MLLT6: variants seen among roughly 807,000 people sequenced by gnomAD.
MLLT6 encodes the protein protein AF-17.
Under a neutral mutation model 103.0 loss-of-function variants are expected in MLLT6, and 22 were observed. The observed-to-expected ratio is 0.21, with a 90% CI of 0.15 to 0.31. The LOEUF is 0.31. MLLT6 is among the 10% of genes least tolerant of loss of function. MLLT6 has a pLI of 1.00. For synonymous variants in MLLT6, 606 were observed against 623.5 expected (o/e 0.97, Z 0.42); for missense variants, 1,199 against 1,441.7 (o/e 0.83, Z 2.73).
At chr17:38,713,966 T>C (rs1905230743) in intron 8 of MLLT6, 6 of 152,248 alleles carry the variant, frequency 3.9e-5, no homozygotes, top group Admixed American at 2.6e-4. Flanking sequence ...TCAGCATTTA[T>C]CTGTTCAGCA....
In MLLT6 at chr17:38,727,678, C is replaced by G. The variant is rs914172280; in HGVS notation, c.*2080C>G. On this transcript the variant is annotated 3_prime_UTR_variant, in exon 20 of 20. Transcript: ENST00000621332. ...GGCATGGTGGCACGTGCCTGTAATC[C>G]CAGCTACTTGGGAGGCTGAGGCACG... The G allele has an allele frequency of 5.1e-6, 1 of 195,720 alleles. No homozygotes were observed. The highest frequency in any genetic ancestry group is 1.1e-5 in the Non-Finnish European group (1 of 94,412). The allele number at this position is 195,720 out of a possible 1,614,324, so 12.1% of individuals were successfully genotyped here. A position where few individuals can be genotyped will look rare whatever the true frequency, so the allele number is the denominator to read the frequency against.
intron 10 of MLLT6, 40 bp downstream of exon 10, chr17:38,717,021 G>A (rs1160107519): frequency 2.5e-6 from 4 of 1,608,550 alleles, no homozygotes; most frequent in Non-Finnish European, 3.4e-6. Context: ...TCAGGGCCCA[G>A]CCAGTCTAGT....
At position 38,722,232 on chromosome 17, in the gene MLLT6, G is replaced by C; in HGVS notation, c.2792+5G>C. 7.3e-7 allele frequency: 1 copy of C among 1,372,638 alleles called. No individual in the cohort carries two copies. The highest frequency in any genetic ancestry group is 9.4e-7 in the Non-Finnish European group (1 of 1,068,888). The allele number at this position is 1,372,638 out of a possible 1,614,324, so 85.0% of individuals were successfully genotyped here. A position where few individuals can be genotyped will look rare whatever the true frequency, so the allele number is the denominator to read the frequency against. On this transcript the variant is annotated splice_donor_5th_base_variant and intron_variant, in intron 17 of 19. Coordinates refer to ENST00000621332, the MANE Select transcript of MLLT6 (RefSeq NM_005937.4). ...GCTGCCAGGCTGTCTCAACAGGTGA[G>C]GGAGAGCTCAGCCCTGGGAAGGGGA...
chr17:38,714,181 G>A (rs977594465), intron 8 of MLLT6: 1 of 152,166 alleles, frequency 6.6e-6, no homozygotes, highest in Admixed American at 6.5e-5. Flanking sequence ...AAGATGATGG[G>A]GCACAGGGAG....
chr17:38,720,218 C>T (rs1274840223), intron 14 of MLLT6, 154 bp from the exon 15 acceptor site: 12 of 791,582 alleles, frequency 1.5e-5, no homozygotes, highest in Non-Finnish European at 2.2e-5. Context: ...CCCCAAGTCC[C>T]GCCTCTCTTC....
At chr17:38,722,535 G>A in intron 17 of MLLT6, 143 bp from the exon 18 acceptor site, 1 of 645,498 alleles carries the variant, frequency 1.5e-6, no homozygotes, top group Non-Finnish European at 2.8e-6. Context: ...TATGAGCACG[G>A]TGCTCTAAGA....
At position 38,726,001 on chromosome 17, in the gene MLLT6, T is replaced by G; in HGVS notation, c.*403T>G. The G allele has an allele frequency of 3.8e-6, 1 of 264,878 alleles. No homozygotes were observed. The highest frequency in any genetic ancestry group is 7.2e-6 in the Non-Finnish European group (1 of 139,818). 16.4% of individuals were successfully genotyped at this position (264,878 alleles called of 1,614,324 possible). ...AGTGGAGGGAGAGGCCCTGGGCCTG[T>G]CCCTGCGGGGAAATCTTTTATGGAA... On this transcript the variant is annotated 3_prime_UTR_variant, in exon 20 of 20. Coordinates refer to ENST00000621332, the MANE Select transcript of MLLT6 (RefSeq NM_005937.4).
rs772857764 is a variant in MLLT6 at position 38,719,680 on chromosome 17, G to C, written c.2010-70G>C. 12 of 1,575,350 alleles carry C rather than the reference G, an allele frequency of 7.6e-6. No individual in the cohort carries two copies. In the East Asian group the frequency reaches 2.7e-4, roughly 36 times the overall value. On this transcript the variant is annotated intron_variant, in intron 13 of 19. Transcript: ENST00000621332. ...CCGGCGTGGGCTGGAACCCCTGGGG[G>C]ATACGGGAGAAGGGCCAGAGGAGCC...
intron 18 of MLLT6, among the ~76,000 whole-genome samples, chr17:38,723,152 G>C (rs1303016775): frequency 6.6e-6 from 1 of 152,226 alleles, no homozygotes; most frequent in South Asian, 2.1e-4. Flanking sequence ...CTTTGGGTCT[G>C]TCTCCTGTTG....
In MLLT6 at chr17:38,719,922, C is replaced by T. The variant is rs371341094; in HGVS notation, c.2155+27C>T. 2.6e-6 allele frequency: 4 copies of T among 1,547,942 alleles called. No homozygotes were observed. In the East Asian group the frequency reaches 7.2e-5, roughly 28 times the overall value. On this transcript the variant is annotated intron_variant, in intron 14 of 19. Coordinates refer to ENST00000621332, the MANE Select transcript of MLLT6 (RefSeq NM_005937.4). ...TGAGGAGGGGTGGCGCCGGTCGGGACGCCTGCCCTAGGGCCCTAACAGTCA... is the reference window on the plus strand; with the variant it reads ...TGAGGAGGGGTGGCGCCGGTCGGGATGCCTGCCCTAGGGCCCTAACAGTCA...
intron 19 of MLLT6, 48 bp from the exon 20 acceptor site, chr17:38,725,509 A>G: frequency 6.4e-7 from 1 of 1,566,072 alleles, no homozygotes; most frequent in Non-Finnish European, 8.8e-7. Flanking sequence ...TCTGGGGGTT[A>G]GGACCTGACA....
At chr17:38,712,081 A>G (rs771305620) in intron 7 of MLLT6, 67 bp downstream of exon 7, 25 of 1,459,856 alleles carry the variant, frequency 1.7e-5, no homozygotes, top group South Asian at 8.8e-5. Context: ...ACATGGCTCA[A>G]AAAGCCATCA....
intron 11 of MLLT6, 26 bp from the exon 12 acceptor site, chr17:38,717,819 C>T: frequency 4.5e-6 from 7 of 1,564,716 alleles, no homozygotes; most frequent in Non-Finnish European, 6.2e-6. Flanking sequence ...GAATAACCGC[C>T]AGGGGATTCT....
chr17:38,729,696 T>C lies in MLLT6; in HGVS notation c.*4098T>C, dbSNP rs1906218734. ...CCTGGAATTGTGCATAACCCGGATCTTGTATCTTTGTATAACGGATGTTAT... is the reference window on the plus strand; with the variant it reads ...CCTGGAATTGTGCATAACCCGGATCCTGTATCTTTGTATAACGGATGTTAT... On this transcript the variant is annotated 3_prime_UTR_variant, in exon 20 of 20. Coordinates refer to ENST00000621332, the MANE Select transcript of MLLT6 (RefSeq NM_005937.4). 1 of 225,918 alleles carries C rather than the reference T, an allele frequency of 4.4e-6. No homozygotes were observed. Among genetic ancestry groups the C allele is most frequent in the Non-Finnish European group, 8.8e-6 (1 of 113,356 alleles). The allele number at this position is 225,918 out of a possible 1,614,324, so 14.0% of individuals were successfully genotyped here. A position where few individuals can be genotyped will look rare whatever the true frequency, so the allele number is the denominator to read the frequency against.
Position 38,722,669 on chromosome 17 carries a change from C to T in MLLT6, c.2793-9C>T. 2.8e-6 allele frequency: 2 copies of T among 708,622 alleles called. No homozygotes were observed. The highest frequency in any genetic ancestry group is 4.9e-6 in the Non-Finnish European group (2 of 409,924). The allele number at this position is 708,622 out of a possible 1,614,324, so 43.9% of individuals were successfully genotyped here. A position where few individuals can be genotyped will look rare whatever the true frequency, so the allele number is the denominator to read the frequency against. On this transcript the variant is annotated splice_polypyrimidine_tract_variant and intron_variant, in intron 17 of 19. Coordinates refer to ENST00000621332, the MANE Select transcript of MLLT6 (RefSeq NM_005937.4). ...GTTGTCCCCCCCCCACCCCCCACCC[C>T]CACCTCAGCCTTACAGAGCAGCAGA...
rs184672269 is a variant in MLLT6, at chr17:38,707,750, C to A, written c.245-13C>A. ...TGCCATCTGCAGCTGAGGCTACCCCCACACTGCCCCAGGCTGGGCACACGT... is the reference window on the plus strand; with the variant it reads ...TGCCATCTGCAGCTGAGGCTACCCCAACACTGCCCCAGGCTGGGCACACGT... On this transcript the variant is annotated splice_polypyrimidine_tract_variant and intron_variant, in intron 3 of 19. Transcript: ENST00000621332. 1 of 1,560,158 alleles carries A rather than the reference C, an allele frequency of 6.4e-7. No homozygotes were observed. Among genetic ancestry groups the A allele is most frequent in the Non-Finnish European group, 8.8e-7 (1 of 1,131,748 alleles).
Position 38,719,765 on chromosome 17 carries a change from C to G in MLLT6, c.2025C>G (p.Ser675Arg). The part of the protein sequence containing the change: ...ESLSSMSPIS[S>R]LPALFDQTAS... ...CTGGCCGCAGGTCCCCCATCAGCAG[C>G]CTCCCCGCACTCTTCGACCAGACAG... The change falls in exon 14 of 20, where the codon AGC becomes AGG. Residue 675 changes from serine (S) to arginine (R), a missense_variant. Coordinates refer to ENST00000621332, the MANE Select transcript of MLLT6 (RefSeq NM_005937.4). 6.2e-7 allele frequency: 1 copy of G among 1,610,208 alleles called. No homozygotes were observed. Among genetic ancestry groups the G allele is most frequent in the Non-Finnish European group, 8.5e-7 (1 of 1,177,658 alleles).
At chr17:38,707,217 C>T (rs192125133) in intron 2 of MLLT6, among the ~76,000 whole-genome samples, 188 bp downstream of exon 2, 11 of 152,330 alleles carry the variant, frequency 7.2e-5, no homozygotes, top group African/African-American at 1.2e-4. Context: ...TCTGCCCCAC[C>T]TCAGGCATGG....
At chr17:38,707,635 T>A in intron 3 of MLLT6, 95 bp downstream of exon 3, 1 of 1,387,902 alleles carries the variant, frequency 7.2e-7, no homozygotes, top group Non-Finnish European at 1.0e-6. Flanking sequence ...CCGGGTTTCC[T>A]TTCCCTGGCT....
Sources: allele counts gnomAD v4.1 joint callset (sites outside exome capture counted in the v4.1 genomes callset), GRCh38; gene constraint gnomAD v4.1.1; transcripts MANE v1.5; gene names NCBI Gene and HGNC (gene_info 2026-07-23, HGNC 2026-07-21).